CNBD1: variants seen among roughly 807,000 people sequenced by gnomAD.
The protein encoded by CNBD1 is cyclic nucleotide-binding domain-containing protein 1.
In CNBD1, 71 loss-of-function variants were observed where a neutral mutation model predicts 54.4. The ratio of observed to expected loss-of-function variants is 1.30; its 90% CI spans 1.08 to 1.59. The LOEUF is 1.59. CNBD1 is among the 40% of genes most tolerant of loss of function. CNBD1 has a pLI of 0.00. For synonymous variants in CNBD1, 182 were observed against 170.7 expected, an observed-to-expected ratio of 1.07 and a Z score of -0.51; for missense variants, 659 against 518.0, an observed-to-expected ratio of 1.27 and a Z score of -2.64.
chr8:86,960,025 A>G (rs1198210475), intron 4 of CNBD1, among the ~76,000 whole-genome samples: 1 of 152,050 alleles, frequency 6.6e-6, no homozygotes, highest in African/African-American at 2.4e-5. Context: ...TGACCTACCG[A>G]TGTGGCCAAA....
intron 10 of CNBD1, among the ~76,000 whole-genome samples, chr8:87,356,852 G>GCTC (rs1240311507): frequency 2.0e-5 from 3 of 152,114 alleles, no homozygotes; most frequent in Non-Finnish European, 4.4e-5. Context: ...CTTGAAGACA[G>GCTC]CTCCTCCCAT....
At chr8:87,319,018 A>G (rs1001232750) in intron 8 of CNBD1, among the ~76,000 whole-genome samples, 1 of 152,106 alleles carries the variant, frequency 6.6e-6, no homozygotes. Flanking sequence ...AGAAGAGTAA[A>G]TAAAATCATG....
intron 2 of CNBD1, among the ~76,000 whole-genome samples, chr8:87,392,353 G>A (rs1349864100): frequency 2.0e-5 from 3 of 151,880 alleles, no homozygotes; most frequent in Non-Finnish European, 4.4e-5. Flanking sequence ...TCTTGTACAT[G>A]AATTAAAGTT....
chr8:86,904,349 A>G (rs1479783684), intron 2 of CNBD1, among the ~76,000 whole-genome samples: 2 of 152,090 alleles, frequency 1.3e-5, no homozygotes, highest in East Asian at 3.9e-4. Flanking sequence ...GGTGTTGTCA[A>G]TTGAAAATTG....
intron 2 of CNBD1, among the ~76,000 whole-genome samples, chr8:87,419,698 T>C (rs1161027222): frequency 6.6e-6 from 1 of 151,836 alleles, no homozygotes; most frequent in East Asian, 1.9e-4. Context: ...TGTGACAAAG[T>C]TTGTCTATTG....
At chr8:87,096,552 C>T (rs1227140654) in intron 4 of CNBD1, among the ~76,000 whole-genome samples, 4 of 152,060 alleles carry the variant, frequency 2.6e-5, no homozygotes, top group Non-Finnish European at 5.9e-5. Flanking sequence ...ATTTTTAATG[C>T]TGGAAAGCAT....
intron 4 of CNBD1, among the ~76,000 whole-genome samples, chr8:86,952,813 A>G (rs1015343248): frequency 1.3e-5 from 2 of 152,178 alleles, no homozygotes; most frequent in Non-Finnish European, 2.9e-5. Flanking sequence ...GATAATGAAC[A>G]TAATCAAATT....
At chr8:87,372,976 A>C (rs1289935012) in intron 10 of CNBD1, among the ~76,000 whole-genome samples, 1 of 151,650 alleles carries the variant, frequency 6.6e-6, no homozygotes, top group African/African-American at 2.4e-5. Flanking sequence ...TCTACCTTAC[A>C]CTTCTGTTAC....
chr8:87,019,689 C>G (rs973649624), intron 4 of CNBD1, among the ~76,000 whole-genome samples: 16 of 151,990 alleles, frequency 1.1e-4, no homozygotes, highest in African/African-American at 3.9e-4. Context: ...ACCAGCCTGG[C>G]CAGCATAGTG....
intron 4 of CNBD1, among the ~76,000 whole-genome samples, chr8:87,072,721 T>A (rs950504387): frequency 1.3e-5 from 2 of 152,058 alleles, no homozygotes; most frequent in South Asian, 2.1e-4. Flanking sequence ...CTGGCCTTTT[T>A]TTTTTGGTTG....
intron 2 of CNBD1, among the ~76,000 whole-genome samples, chr8:87,416,878 A>C (rs958496700): frequency 1.2e-4 from 19 of 152,070 alleles, no homozygotes; most frequent in African/African-American, 4.6e-4. Context: ...AAAAATTCTC[A>C]ACAAACTTAA....
intron 4 of CNBD1, among the ~76,000 whole-genome samples, chr8:86,983,849 T>G (rs1478772617): frequency 3.3e-5 from 5 of 152,208 alleles, no homozygotes; most frequent in Non-Finnish European, 2.9e-5. Context: ...TTGAAAAATT[T>G]GCAGCCTGAC....
chr8:86,970,220 C>A (rs1808189033), intron 4 of CNBD1, among the ~76,000 whole-genome samples: 1 of 152,076 alleles, frequency 6.6e-6, no homozygotes, highest in Non-Finnish European at 1.5e-5. Flanking sequence ...AAATTCTTAA[C>A]CATTTACTTA....
intron 6 of CNBD1, among the ~76,000 whole-genome samples, chr8:87,274,291 T>C (rs1222566623): frequency 2.0e-5 from 3 of 149,986 alleles, no homozygotes; most frequent in Non-Finnish European, 4.4e-5. Context: ...TACCCAGTAA[T>C]GGGATGGCTG....
chr8:87,180,330 A>G (rs954508465), intron 4 of CNBD1, among the ~76,000 whole-genome samples: 8 of 152,172 alleles, frequency 5.3e-5, no homozygotes, highest in African/African-American at 1.9e-4. Flanking sequence ...AATACATATT[A>G]TATATTTTTA....
At chr8:86,952,146 C>T (rs1172923031) in intron 4 of CNBD1, among the ~76,000 whole-genome samples, 2 of 152,174 alleles carry the variant, frequency 1.3e-5, no homozygotes, top group Non-Finnish European at 2.9e-5. Context: ...CTGCGCCAAA[C>T]CAATGTCCAT....
chr8:86,975,535 C>T (rs548685249), intron 4 of CNBD1, among the ~76,000 whole-genome samples: 14 of 152,090 alleles, frequency 9.2e-5, no homozygotes, highest in African/African-American at 3.4e-4. Flanking sequence ...CTACATTCAC[C>T]TATGTTGTTA....
At chr8:87,134,255 A>C (rs1230706827) in intron 4 of CNBD1, among the ~76,000 whole-genome samples, 1 of 152,168 alleles carries the variant, frequency 6.6e-6, no homozygotes, top group East Asian at 1.9e-4. Context: ...CACAATAGTT[A>C]ACATGGATAC....
chr8:87,343,602 G>A (rs1006192012), intron 8 of CNBD1, among the ~76,000 whole-genome samples: 2 of 152,060 alleles, frequency 1.3e-5, no homozygotes, highest in Non-Finnish European at 2.9e-5. Flanking sequence ...GTGTTGTTTA[G>A]GCTTTCAATT....
Sources: allele counts gnomAD v4.1 joint callset (sites outside exome capture counted in the v4.1 genomes callset), GRCh38; gene constraint gnomAD v4.1.1; transcripts MANE v1.5; gene names NCBI Gene and HGNC (gene_info 2026-07-23, HGNC 2026-07-21).